The following TEX9 variants were observed in gnomAD, a reference collection of about 807,000 sequenced individuals.
TEX9 encodes testis expressed 9, also known as testis-expressed protein 9.
Under a neutral mutation model 59.6 loss-of-function variants are expected in TEX9, and 74 were observed. The ratio of observed to expected loss-of-function variants is 1.24; its 90% CI spans 1.03 to 1.51. The LOEUF (loss-of-function observed/expected upper bound fraction) is 1.51, where lower values mean the gene tolerates loss of function less well. Among genes scored for constraint, TEX9 ranks in the 40% most tolerant of loss-of-function variants. TEX9 has a pLI of 0.00. For synonymous variants in TEX9, 186 were observed against 152.2 expected (o/e 1.22, Z -1.64); for missense variants, 522 against 447.8 (o/e 1.17, Z -1.49).
intron 12 of TEX9, chr15:56,434,036 T>G (rs1024183915): frequency 7.8e-7 from 1 of 1,277,486 alleles, no homozygotes; most frequent in Non-Finnish European, 1.1e-6. Context: ...CATACTAACA[T>G]TGTCTGGCAT....
At chr15:56,286,259 A>G (rs2044950869) in intron 1 of TEX9, among the ~76,000 whole-genome samples, 1 of 152,206 alleles carries the variant, frequency 6.6e-6, no homozygotes, top group Admixed American at 6.5e-5. Flanking sequence ...GTTAAAAGAA[A>G]GGGAGATGTT....
intron 2 of TEX9, among the ~76,000 whole-genome samples, chr15:56,372,455 A>G (rs1596132936): frequency 6.6e-6 from 1 of 152,212 alleles, no homozygotes; most frequent in African/African-American, 2.4e-5. Flanking sequence ...TAGGTGGTCT[A>G]GAAATGTGAC....
At chr15:56,443,512 A>G (rs1462619441) in intron 12 of TEX9, 4 of 1,598,904 alleles carry the variant, frequency 2.5e-6, no homozygotes, top group Non-Finnish European at 3.4e-6. Flanking sequence ...ACGTTGCCGC[A>G]GCATTTCTTC....
At chr15:56,433,565 A>G (rs750912961) in intron 12 of TEX9, among the ~76,000 whole-genome samples, 18 of 152,058 alleles carry the variant, frequency 1.2e-4, no homozygotes, top group Non-Finnish European at 2.2e-4. Context: ...TCCCTTATCT[A>G]TTTGCATGGG....
intron 10 of TEX9, among the ~76,000 whole-genome samples, chr15:56,418,604 T>C (rs2049817098): frequency 6.6e-6 from 1 of 151,520 alleles, no homozygotes; most frequent in African/African-American, 2.4e-5. Flanking sequence ...TGAGCCAAGA[T>C]TGCACCACTG....
intron 1 of TEX9, among the ~76,000 whole-genome samples, chr15:56,282,493 GGTC>G (rs2044841813): frequency 6.6e-6 from 1 of 151,990 alleles, no homozygotes; most frequent in South Asian, 2.1e-4. Flanking sequence ...AGGAAGTTCT[GGTC>G]AATGCAATAA....
chr15:56,281,289 G>A (rs2044813406), intron 1 of TEX9, among the ~76,000 whole-genome samples: 1 of 152,162 alleles, frequency 6.6e-6, no homozygotes, highest in South Asian at 2.1e-4. Flanking sequence ...TTTAAGTCAG[G>A]GGTCCCTAAC....
chr15:56,460,009 A>AAAAT, the TEX9 span, among the ~76,000 whole-genome samples: 1 of 26,388 alleles, frequency 3.8e-5, no homozygotes, highest in African/African-American at 1.5e-4. Flanking sequence ...AAAAAAAAAA[A>AAAAT]ATACATATAT....
intron 1 of TEX9, among the ~76,000 whole-genome samples, chr15:56,345,888 G>T (rs1244539267): frequency 6.6e-6 from 1 of 152,170 alleles, no homozygotes; most frequent in Non-Finnish European, 1.5e-5. Context: ...GGAGCCAATG[G>T]ATGTCCGTGG....
chr15:56,399,707 T>C (rs555238679), intron 9 of TEX9, among the ~76,000 whole-genome samples: 130 of 152,270 alleles, frequency 8.5e-4, no homozygotes, highest in Admixed American at 1.5e-3. Context: ...CACCTCCCAG[T>C]AGGGGCCAAC....
intron 1 of TEX9, among the ~76,000 whole-genome samples, chr15:56,341,193 A>G (rs553553587): frequency 1.3e-5 from 2 of 151,798 alleles, no homozygotes; most frequent in Non-Finnish European, 2.9e-5. Flanking sequence ...ATGAGCAATC[A>G]CATTTAGCCT....
rs377306125 is a variant in TEX9, at chr15:56,444,123, A to G, written c.*30-1548A>G. On this transcript the variant is annotated intron_variant, in intron 12 of 12. Transcript: ENST00000352903. ...TACAATCTGTTAACATTAGCTTTGC[A>G]GCACTCTATACTTAAGCTGTCTACC... 2.0e-5 allele frequency among the ~76,000 whole-genome samples: 3 copies of G among 152,156 alleles called. 1 individual carries two copies. The highest frequency in any genetic ancestry group is 6.5e-5 in the Admixed American group (1 of 15,274).
intron 10 of TEX9, among the ~76,000 whole-genome samples, chr15:56,422,603 T>C (rs1044752069): frequency 3.3e-5 from 5 of 151,892 alleles, no homozygotes; most frequent in Non-Finnish European, 5.9e-5. Flanking sequence ...CTTTCTGCTA[T>C]TGTCATATGT....
intron 10 of TEX9, among the ~76,000 whole-genome samples, chr15:56,425,920 G>C (rs1365142772): frequency 1.3e-5 from 2 of 152,088 alleles, no homozygotes; most frequent in Non-Finnish European, 2.9e-5. Context: ...ACCTTTCTGG[G>C]GTTGTGTCTT....
rs184794919 is a variant in TEX9 at position 56,380,413 on chromosome 15, G to C, written c.184-3539G>C. 3.6e-4 allele frequency among the ~76,000 whole-genome samples: 54 copies of C among 151,900 alleles called. 1 individual carries two copies. The highest frequency in any genetic ancestry group is 6.9e-4 in the Non-Finnish European group (47 of 67,978). ...TTGTTGTAGTTATTATTTTTAATTG[G>C]CTCATCATTTAGTCTTTCTACTTTA... On this transcript the variant is annotated intron_variant, in intron 3 of 12. Transcript: ENST00000352903.
chr15:56,343,442 A>G (rs2046409736), intron 1 of TEX9, among the ~76,000 whole-genome samples: 1 of 152,134 alleles, frequency 6.6e-6, no homozygotes, highest in Non-Finnish European at 1.5e-5. Flanking sequence ...AGAAAAATTA[A>G]CAGGCTAAAA....
chr15:56,258,493 G>C (rs1246209840), intron 1 of TEX9, among the ~76,000 whole-genome samples: 1 of 151,970 alleles, frequency 6.6e-6, no homozygotes, highest in Non-Finnish European at 1.5e-5. Context: ...ATCCTGAAGA[G>C]GTCCTTCACT....
intron 12 of TEX9, among the ~76,000 whole-genome samples, chr15:56,437,878 G>GAA (rs2050755171): frequency 6.6e-6 from 1 of 152,066 alleles, no homozygotes; most frequent in African/African-American, 2.4e-5. Flanking sequence ...GCTTCAAAGA[G>GAA]AATAAAATAC....
intron 2 of TEX9, among the ~76,000 whole-genome samples, chr15:56,368,578 A>G (rs536748350): frequency 3.8e-4 from 58 of 152,124 alleles, no homozygotes; most frequent in Non-Finnish European, 2.2e-4. Context: ...TTGTCTATGC[A>G]TTTAGCTTCT....
Sources: gnomAD v4.1 joint callset for allele counts (sites outside exome capture counted in the v4.1 genomes callset) on GRCh38, gnomAD v4.1.1 for gene constraint, MANE v1.5 for transcripts, NCBI Gene and HGNC (gene_info 2026-07-23, HGNC 2026-07-21) for gene names.